Variants in KCNH1 observed in about 807,000 individuals in gnomAD.
KCNH1 encodes voltage-gated delayed rectifier potassium channel KCNH1.
A neutral mutation model predicts 69.2 loss-of-function variants in KCNH1; 27 were observed. The ratio of observed to expected loss-of-function variants is 0.39; its 90% CI spans 0.29 to 0.54. KCNH1 has a LOEUF of 0.54. Among genes scored for constraint, KCNH1 ranks in the 20% least tolerant of loss-of-function variants. The pLI, the probability that KCNH1 is intolerant of heterozygous loss-of-function variation, is 0.68. For missense variants in KCNH1, 798 were observed against 1,261.6 expected, an observed-to-expected ratio of 0.63 and a Z score of 5.57; for synonymous variants, 456 against 487.7, an observed-to-expected ratio of 0.93 and a Z score of 0.86.
chr1:211,116,388 A>G (rs911161071), intron 1 of KCNH1, among the ~76,000 whole-genome samples: 2 of 152,186 alleles, frequency 1.3e-5, no homozygotes, highest in African/African-American at 4.8e-5. Flanking sequence ...CAAATTTTCA[A>G]TGCCCTCACA....
intron 8 of KCNH1, among the ~76,000 whole-genome samples, chr1:210,799,455 T>C (rs1251990123): frequency 1.3e-5 from 2 of 152,176 alleles, no homozygotes; most frequent in Non-Finnish European, 2.9e-5. Flanking sequence ...AGGAAAACTG[T>C]AGGAGGCTAT....
intron 5 of KCNH1, among the ~76,000 whole-genome samples, chr1:211,020,210 C>A (rs1689564589): frequency 6.6e-6 from 1 of 151,630 alleles, no homozygotes. Context: ...AAATGACAAG[C>A]TGGGTTTTTA....
chr1:210,959,344 G>A (rs1025147122), intron 6 of KCNH1, among the ~76,000 whole-genome samples: 1 of 152,158 alleles, frequency 6.6e-6, no homozygotes, highest in Non-Finnish European at 1.5e-5. Context: ...CCTACTGGGA[G>A]GTGTGTCCCA....
intron 5 of KCNH1, among the ~76,000 whole-genome samples, chr1:211,064,432 G>A (rs1431187277): frequency 1.3e-5 from 2 of 152,044 alleles, no homozygotes; most frequent in Non-Finnish European, 2.9e-5. Flanking sequence ...GTGGTGGTGG[G>A]CAGCTGTAAT....
At chr1:210,940,497 T>G (rs921003290) in intron 6 of KCNH1, among the ~76,000 whole-genome samples, 14 of 152,232 alleles carry the variant, frequency 9.2e-5, no homozygotes, top group African/African-American at 3.4e-4. Flanking sequence ...AAAAATGGGA[T>G]AGCTTGCAAC....
At chr1:211,060,682 A>G (rs1690419878) in intron 5 of KCNH1, among the ~76,000 whole-genome samples, 1 of 152,116 alleles carries the variant, frequency 6.6e-6, no homozygotes, top group Admixed American at 6.5e-5. Flanking sequence ...ACTATGAGCA[A>G]TTATATGCCA....
chr1:210,974,798 G>A (rs964435400), intron 6 of KCNH1, among the ~76,000 whole-genome samples: 4 of 151,848 alleles, frequency 2.6e-5, no homozygotes, highest in African/African-American at 4.8e-5. Context: ...TCCTGACCTC[G>A]TGATCCACCC....
At chr1:210,910,780 G>A (rs1687212999) in intron 7 of KCNH1, among the ~76,000 whole-genome samples, 1 of 152,190 alleles carries the variant, frequency 6.6e-6, no homozygotes, top group South Asian at 2.1e-4. Flanking sequence ...AATGTGCTCT[G>A]CACACAGTAT....
chr1:211,019,262 C>A lies in KCNH1; in HGVS notation c.559-6G>T. The stretch of plus-strand genomic sequence containing the variant: ...TCTGAGCCCAGCTGTAGGACCTGTA[C>A]AGAAAAACATGACCAAGAGAGAACT... On this transcript the variant is annotated splice_polypyrimidine_tract_variant and splice_region_variant and intron_variant, in intron 5 of 10. Coordinates refer to ENST00000271751, the MANE Select transcript of KCNH1 (RefSeq NM_172362.3). 6.4e-7 allele frequency: 1 copy of A among 1,570,776 alleles called. No homozygotes were observed. The highest frequency in any genetic ancestry group is 8.6e-7 in the Non-Finnish European group (1 of 1,156,988).
At chr1:210,962,166 A>G (rs1222554692) in intron 6 of KCNH1, among the ~76,000 whole-genome samples, 2 of 152,160 alleles carry the variant, frequency 1.3e-5, no homozygotes, top group Non-Finnish European at 2.9e-5. Flanking sequence ...CTCCTTACTC[A>G]GGAAGACTGC....
chr1:210,898,443 TAAG>T (rs1259273498), intron 7 of KCNH1, among the ~76,000 whole-genome samples: 1 of 152,170 alleles, frequency 6.6e-6, no homozygotes, highest in Non-Finnish European at 1.5e-5. Context: ...GCACAGAAGA[TAAG>T]AAACATACAA....
At chr1:211,069,123 G>A (rs1205509565) in intron 5 of KCNH1, among the ~76,000 whole-genome samples, 1 of 152,138 alleles carries the variant, frequency 6.6e-6, no homozygotes, top group Non-Finnish European at 1.5e-5. Context: ...CTAACTAACT[G>A]ATTGGAGGAA....
At chr1:211,108,924 G>A (rs1691409141) in intron 1 of KCNH1, among the ~76,000 whole-genome samples, 1 of 152,222 alleles carries the variant, frequency 6.6e-6, no homozygotes, top group Admixed American at 6.5e-5. Context: ...GATAAGAAAT[G>A]GTCCCTGCAC....
At chr1:210,873,644 CA>C (rs1049874544) in intron 7 of KCNH1, among the ~76,000 whole-genome samples, 1 of 152,164 alleles carries the variant, frequency 6.6e-6, no homozygotes, top group Admixed American at 6.6e-5. Context: ...GGATTACAGG[CA>C]TGAGCCACCA....
At chr1:211,084,223 T>C (rs1274096644) in intron 4 of KCNH1, among the ~76,000 whole-genome samples, 1 of 81,880 alleles carries the variant, frequency 1.2e-5, no homozygotes, top group African/African-American at 3.8e-5. Context: ...ATGGGAACTA[T>C]GAACTAAGAT....
chr1:211,019,885 T>C (rs1447103436), intron 5 of KCNH1, among the ~76,000 whole-genome samples: 1 of 152,164 alleles, frequency 6.6e-6, no homozygotes, highest in Non-Finnish European at 1.5e-5. Context: ...GGAAATTAAA[T>C]GTGCTTGTGA....
At chr1:211,019,579 C>T (rs1689552554) in intron 5 of KCNH1, among the ~76,000 whole-genome samples, 1 of 152,178 alleles carries the variant, frequency 6.6e-6, no homozygotes, top group Non-Finnish European at 1.5e-5. Context: ...ATTCTAAATA[C>T]ACCTTTGTTC....
chr1:210,861,674 T>C (rs1451297997), intron 7 of KCNH1: 2 of 773,016 alleles, frequency 2.6e-6, no homozygotes, highest in Non-Finnish European at 4.8e-6. Context: ...TCATAGAAGA[T>C]CTTGAATATT....
intron 1 of KCNH1, among the ~76,000 whole-genome samples, chr1:211,108,154 C>T: frequency 6.6e-6 from 1 of 152,240 alleles, no homozygotes; most frequent in South Asian, 2.1e-4. Context: ...ATTCTCACTA[C>T]TTCCCACATT....
Sources: gnomAD v4.1 joint callset for allele counts (sites outside exome capture counted in the v4.1 genomes callset) on GRCh38, gnomAD v4.1.1 for gene constraint, MANE v1.5 for transcripts, NCBI Gene and HGNC (gene_info 2026-07-23, HGNC 2026-07-21) for gene names.